Variants in CFAP97 observed in about 807,000 individuals in gnomAD.
CFAP97 encodes cilia- and flagella-associated protein 97.
CFAP97 carries 36 observed loss-of-function variants against 43.1 expected under a neutral mutation model. That is an observed-to-expected ratio of 0.84 (90% CI 0.64 to 1.10). CFAP97 has a LOEUF of 1.10. Ranked by LOEUF, CFAP97 falls within the 50% of genes least tolerant of loss-of-function variation. CFAP97 has a pLI of 0.00. For missense variants in CFAP97, 657 were observed against 620.3 expected (o/e 1.06, Z -0.63); for synonymous variants, 228 against 225.7 (o/e 1.01, Z -0.09).
chr4:185,180,629 A>G (rs1210962859), intron 2 of CFAP97, among the ~76,000 whole-genome samples: 2 of 151,882 alleles, frequency 1.3e-5, no homozygotes, highest in South Asian at 4.2e-4. Flanking sequence ...ATTTTTTTTA[A>G]TATGCTCTGA....
At position 185,164,077 on chromosome 4, in the gene CFAP97, G is replaced by C; in HGVS notation, c.1423C>G (p.Pro475Ala). Residue 475 changes from proline to alanine, a missense_variant, in exon 4 of 5, where the codon CCA becomes GCA. Physicochemically the swap from Pro to Ala is conservative, Grantham distance 27 (BLOSUM62 -1). Transcript: ENST00000458385. ...HRNMGYLNSS[P>A]LSRRARSTLG... ...GTGGATCTGGCCCGTCTTGACAATGGTGATGAGTTGAGATAGCCCATATTG... is the reference window on the plus strand; with the variant it reads ...GTGGATCTGGCCCGTCTTGACAATGCTGATGAGTTGAGATAGCCCATATTG... 1 of 1,613,950 alleles carries C rather than the reference G, an allele frequency of 6.2e-7. No homozygotes were observed. Among genetic ancestry groups the C allele is most frequent in the Non-Finnish European group, 8.5e-7 (1 of 1,179,858 alleles).
At chr4:185,164,401 C>T (rs1734992141) in intron 3 of CFAP97, among the ~76,000 whole-genome samples, 1 of 152,028 alleles carries the variant, frequency 6.6e-6, no homozygotes, top group East Asian at 1.9e-4. Context: ...CCACATCCCG[C>T]CAAAAGATCT....
At chr4:185,196,169 G>A (rs751254976) in intron 1 of CFAP97, among the ~76,000 whole-genome samples, 2 of 152,168 alleles carry the variant, frequency 1.3e-5, no homozygotes, top group Non-Finnish European at 2.9e-5. Flanking sequence ...AGAACACAGT[G>A]TAATAATCAA....
chr4:185,182,438 G>A (rs887570277), intron 2 of CFAP97: 2 of 152,080 alleles, frequency 1.3e-5, no homozygotes, highest in Non-Finnish European at 2.9e-5. Context: ...TCAGAAATTC[G>A]ACTAATCTTT....
intron 3 of CFAP97, among the ~76,000 whole-genome samples, chr4:185,172,342 G>T (rs1248167392): frequency 6.6e-6 from 1 of 152,140 alleles, no homozygotes; most frequent in Non-Finnish European, 1.5e-5. Flanking sequence ...AACCTCATCA[G>T]GACAGATGAA....
intron 3 of CFAP97, 139 bp from the exon 4 acceptor site, chr4:185,164,318 G>T: frequency 1.2e-6 from 1 of 867,434 alleles, no homozygotes; most frequent in Non-Finnish European, 1.7e-6. Context: ...ACTCAGGCTG[G>T]CCTGGAACTC....
At chr4:185,206,965 T>G (rs1325790172), upstream of CFAP97, among the ~76,000 whole-genome samples, 1 of 152,112 alleles carries the variant, frequency 6.6e-6, no homozygotes, top group Non-Finnish European at 1.5e-5. Context: ...CGCCAGAGCC[T>G]GGAGTTCTGA....
At chr4:185,207,087 C>G (rs1737219374), upstream of CFAP97, among the ~76,000 whole-genome samples, 1 of 152,104 alleles carries the variant, frequency 6.6e-6, no homozygotes, top group Non-Finnish European at 1.5e-5. Flanking sequence ...AAGGGTGGAT[C>G]TTCCCTACTC....
chr4:185,175,734 CA>C, intron 3 of CFAP97, 51 bp downstream of exon 3: 1 of 1,547,744 alleles, frequency 6.5e-7, no homozygotes, highest in East Asian at 2.3e-5. Context: ...GCTGGACATA[CA>C]AATCAGTGCA....
chr4:185,207,201 C>G (rs1205400967), upstream of CFAP97, among the ~76,000 whole-genome samples: 2 of 149,154 alleles, frequency 1.3e-5, no homozygotes, highest in African/African-American at 4.9e-5. Flanking sequence ...CTAAATTTAA[C>G]CAGTCACACT....
chr4:185,203,264 G>A (rs1458079340), intron 1 of CFAP97, among the ~76,000 whole-genome samples: 1 of 152,248 alleles, frequency 6.6e-6, no homozygotes, highest in East Asian at 1.9e-4. Context: ...GAGTCACTGG[G>A]CACGCCCCAC....
intron 3 of CFAP97, among the ~76,000 whole-genome samples, chr4:185,174,824 A>G (rs1480648891): frequency 6.6e-6 from 1 of 152,244 alleles, no homozygotes; most frequent in African/African-American, 2.4e-5. Context: ...TATTTGGAAG[A>G]TACTCAGAAC....
Position 185,169,625 on chromosome 4 carries a change from C to T in CFAP97, c.1321-5446G>A, listed in dbSNP as rs1017852791. 7 of 984,848 alleles carry T rather than the reference C, an allele frequency of 7.1e-6. No homozygotes were observed. In the African/African-American group the frequency reaches 1.2e-4, roughly 17 times the overall value. 61.0% of individuals were successfully genotyped at this position (984,848 alleles called of 1,614,324 possible). A position where few individuals can be genotyped will look rare whatever the true frequency, so the allele number is the denominator to read the frequency against. On this transcript the variant is annotated intron_variant, in intron 3 of 4. Coordinates refer to ENST00000458385, the MANE Select transcript of CFAP97 (RefSeq NM_020827.3). ...TTATTCTCTTTGGAAAAAAAATTAA[C>T]CTAGCCCATCTTTTGATGTTTAAAC...
In CFAP97 at chr4:185,194,615, A is replaced by G. The variant is rs113160659; in HGVS notation, c.-16-3403T>C. Among the ~76,000 whole-genome samples the G allele has an allele frequency of 6.5e-3, 994 of 152,076 alleles. 15 individuals are homozygous for G. The highest frequency in any genetic ancestry group is 0.022 in the African/African-American group (931 of 41,480). ...GGATTCTAGCTCACTGCAGCCTCCA[A>G]CTCCTGGGCTCAAGTGATCCTCCCA... On this transcript the variant is annotated intron_variant, in intron 1 of 4. Transcript: ENST00000458385.
At position 185,189,760 on chromosome 4, in the gene CFAP97, G is replaced by A. The variant is rs139251375; in HGVS notation, c.1054+383C>T. ...TTGCCACTGTCCCTGATATGAGGAC[G>A]CCACATCAGGTGTTAACCTGAGCAC... On this transcript the variant is annotated intron_variant, in intron 2 of 4. Coordinates refer to ENST00000458385, the MANE Select transcript of CFAP97 (RefSeq NM_020827.3). Among the ~76,000 whole-genome samples the A allele has an allele frequency of 4.2e-3, 639 of 152,226 alleles. 4 individuals carry two copies. The highest frequency in any genetic ancestry group is 0.014 in the African/African-American group (598 of 41,522).
At chr4:185,182,134 T>TTTTA (rs2111362680) in intron 2 of CFAP97, 1 of 152,260 alleles carries the variant, frequency 6.6e-6, no homozygotes, top group East Asian at 1.9e-4. Flanking sequence ...TTCAGATTCT[T>TTTTA]TTTAAAGTGA....
At chr4:185,204,755 G>A (rs1737112986), upstream of CFAP97, among the ~76,000 whole-genome samples, 1 of 152,236 alleles carries the variant, frequency 6.6e-6, no homozygotes, top group African/African-American at 2.4e-5. Flanking sequence ...AGTGGGAGCT[G>A]TGAGCACAGA....
chr4:185,183,671 TAG>T (rs1735892808), intron 2 of CFAP97, among the ~76,000 whole-genome samples: 2 of 152,226 alleles, frequency 1.3e-5, no homozygotes, highest in Admixed American at 1.3e-4. Flanking sequence ...CCTTATATAA[TAG>T]ACTGACAGTC....
intron 2 of CFAP97, among the ~76,000 whole-genome samples, chr4:185,177,392 AAC>A (rs1480250550): frequency 2.0e-5 from 3 of 148,350 alleles, no homozygotes; most frequent in Non-Finnish European, 3.0e-5. Flanking sequence ...CAGCCTGAGC[AAC>A]AGAGTAAGAC....
Sources: allele counts gnomAD v4.1 joint callset (sites outside exome capture counted in the v4.1 genomes callset), GRCh38; gene constraint gnomAD v4.1.1; transcripts MANE v1.5; gene names NCBI Gene and HGNC (gene_info 2026-07-23, HGNC 2026-07-21).